KLF12: variants seen among roughly 807,000 people sequenced by gnomAD.
KLF12 encodes Krueppel-like factor 12.
Under a neutral mutation model 37.8 loss-of-function variants are expected in KLF12, and 9 were observed. The ratio of observed to expected loss-of-function variants is 0.24; its 90% confidence interval spans 0.14 to 0.42. The LOEUF is 0.42. Ranked by LOEUF, KLF12 falls within the 10% of genes least tolerant of loss-of-function variation. KLF12 has a pLI of 1.00. For missense variants in KLF12, 411 were observed against 516.0 expected (o/e 0.80, Z 1.97); for synonymous variants, 208 against 202.1 (o/e 1.03, Z -0.25).
Position 73,813,155 on chromosome 13 carries a change from T to C in KLF12, c.803A>G (p.Gln268Arg). 2 of 1,613,932 alleles carry C rather than the reference T, an allele frequency of 1.2e-6. No homozygotes were observed. Among genetic ancestry groups the C allele is most frequent in the East Asian group, 4.5e-5 (2 of 44,866 alleles). Residue 268 changes from glutamine to arginine, a missense_variant, in exon 5 of 8, where the codon CAA (glutamine) becomes CGA (arginine). Coordinates refer to ENST00000377669, the MANE Select transcript of KLF12 (RefSeq NM_007249.5). ...ATCCTGTGAATGTGATACTTACTCTTGTACTGCTCTGGCTATGGAAAGGGC... is the reference window on the plus strand; with the variant it reads ...ATCCTGTGAATGTGATACTTACTCTCGTACTGCTCTGGCTATGGAAAGGGC...
At chr13:73,885,679 A>G (rs1887186479) in intron 3 of KLF12, among the ~76,000 whole-genome samples, 1 of 152,216 alleles carries the variant, frequency 6.6e-6, no homozygotes, top group African/African-American at 2.4e-5. Flanking sequence ...AGAGAAAAGC[A>G]AGGACCACAA....
chr13:74,243,287 A>ATT, the KLF12 span, among the ~76,000 whole-genome samples: 261 of 151,798 alleles, frequency 1.7e-3, 1 homozygote, highest in African/African-American at 5.8e-3. Context: ...ACATGAATTC[A>ATT]TTTTTTTTAT....
the KLF12 span, among the ~76,000 whole-genome samples, chr13:74,291,299 A>G: frequency 6.6e-6 from 1 of 152,248 alleles, no homozygotes; most frequent in Non-Finnish European, 1.5e-5. Context: ...TCAGTTGTGC[A>G]TGAGTTAGGA....
chr13:73,983,333 G>A (rs1891737696), intron 2 of KLF12, among the ~76,000 whole-genome samples: 1 of 152,138 alleles, frequency 6.6e-6, no homozygotes, highest in East Asian at 1.9e-4. Flanking sequence ...CTTGGTGCCA[G>A]CATGATTCAA....
At chr13:73,983,401 G>C (rs959039329) in intron 2 of KLF12, among the ~76,000 whole-genome samples, 3 of 152,130 alleles carry the variant, frequency 2.0e-5, no homozygotes, top group Non-Finnish European at 4.4e-5. Flanking sequence ...TCCAGTATCA[G>C]TGCCTTCTGG....
intron 5 of KLF12, 45 bp from the exon 6 acceptor site, chr13:73,765,045 C>A (rs1879819842): frequency 3.4e-6 from 4 of 1,171,140 alleles, no homozygotes; most frequent in East Asian, 4.7e-5. Context: ...AAGCATATTC[C>A]CAATTGCAAA....
chr13:74,253,118 T>C, the KLF12 span, among the ~76,000 whole-genome samples: 1 of 152,218 alleles, frequency 6.6e-6, no homozygotes, highest in Non-Finnish European at 1.5e-5. Context: ...CCATTCATCA[T>C]CTGTATTTCT....
chr13:74,001,083 C>T (rs559266048), intron 1 of KLF12, among the ~76,000 whole-genome samples: 2 of 152,224 alleles, frequency 1.3e-5, no homozygotes, highest in South Asian at 2.1e-4. Flanking sequence ...TAAGTACTAC[C>T]ACATGTAGTA....
At chr13:74,191,930 C>T in the KLF12 span, among the ~76,000 whole-genome samples, 1 of 151,936 alleles carries the variant, frequency 6.6e-6, no homozygotes, top group East Asian at 1.9e-4. Flanking sequence ...CCAGTCATTC[C>T]CATTTTTGAG....
At chr13:73,703,013 AAATCTGAAAG>A (rs1360518072) in intron 7 of KLF12, among the ~76,000 whole-genome samples, 1 of 152,136 alleles carries the variant, frequency 6.6e-6, no homozygotes, top group Non-Finnish European at 1.5e-5. Context: ...ACAGGTTTTG[AAATCTGAAAG>A]AGCACACAGC....
chr13:73,935,004 C>A, intron 3 of KLF12, among the ~76,000 whole-genome samples: 1 of 147,374 alleles, frequency 6.8e-6, no homozygotes, highest in African/African-American at 2.5e-5. Flanking sequence ...GAGACAGATG[C>A]AGTCTTGCTT....
At chr13:73,945,948 T>A (rs569624804) in intron 2 of KLF12, among the ~76,000 whole-genome samples, 20 of 152,156 alleles carry the variant, frequency 1.3e-4, no homozygotes, top group Non-Finnish European at 2.6e-4. Context: ...GTGGGTTGTT[T>A]TCACATGGGG....
intron 1 of KLF12, among the ~76,000 whole-genome samples, chr13:74,060,147 T>A (rs1291355918): frequency 1.3e-5 from 2 of 152,182 alleles, no homozygotes; most frequent in African/African-American, 4.8e-5. Context: ...TACCATGATG[T>A]TTTAGTTACT....
the KLF12 span, among the ~76,000 whole-genome samples, chr13:74,298,920 G>A: frequency 3.9e-5 from 6 of 152,078 alleles, no homozygotes; most frequent in Admixed American, 2.0e-4. Context: ...ATTCCATGAG[G>A]GCCCTCAGTC....
intron 1 of KLF12, among the ~76,000 whole-genome samples, chr13:74,080,095 T>C (rs1339716225): frequency 6.6e-6 from 1 of 152,190 alleles, no homozygotes; most frequent in Admixed American, 6.5e-5. Flanking sequence ...GAAGACATTA[T>C]GCTAAGTGAA....
chr13:74,055,029 C>T (rs1196731329), intron 1 of KLF12, among the ~76,000 whole-genome samples: 1 of 152,106 alleles, frequency 6.6e-6, no homozygotes, highest in Non-Finnish European at 1.5e-5. Flanking sequence ...AATAACAGGG[C>T]AAAGAAATTA....
At chr13:73,699,005 A>G (rs980359341) in intron 7 of KLF12, among the ~76,000 whole-genome samples, 2 of 152,174 alleles carry the variant, frequency 1.3e-5, no homozygotes, top group Non-Finnish European at 2.9e-5. Flanking sequence ...TGATAAACAC[A>G]CATGATATTT....
intron 2 of KLF12, among the ~76,000 whole-genome samples, chr13:73,959,896 A>C (rs1890967642): frequency 6.6e-6 from 1 of 152,214 alleles, no homozygotes; most frequent in Non-Finnish European, 1.5e-5. Context: ...ACCTTTTGAA[A>C]GTTAAAATTG....
intron 5 of KLF12, among the ~76,000 whole-genome samples, chr13:73,799,165 T>C (rs895817788): frequency 2.0e-5 from 3 of 152,100 alleles, no homozygotes; most frequent in African/African-American, 4.8e-5. Context: ...GGAAACAGAA[T>C]ACCAAATAAT....
Sources: gnomAD v4.1 joint callset for allele counts (sites outside exome capture counted in the v4.1 genomes callset) on GRCh38, gnomAD v4.1.1 for gene constraint, MANE v1.5 for transcripts, NCBI Gene and HGNC (gene_info 2026-07-23, HGNC 2026-07-21) for gene names.